PTCHD4: variants seen among roughly 807,000 people sequenced by gnomAD.
PTCHD4 encodes the protein patched domain containing 4.
PTCHD4 carries 33 observed loss-of-function variants against 58.1 expected under a neutral mutation model. That is an observed-to-expected ratio of 0.57 (90% CI 0.43 to 0.76). The LOEUF is 0.76. Among genes scored for constraint, PTCHD4 ranks in the 30% least tolerant of loss-of-function variants. PTCHD4 has a pLI of 0.00. For synonymous variants in PTCHD4, 478 were observed against 409.6 expected (o/e 1.17, Z -2.02); for missense variants, 1,058 against 1,027.1 (o/e 1.03, Z -0.41).
rs774279770 is a variant in PTCHD4 at position 48,068,476 on chromosome 6, C to G, written c.171G>C (p.Ala57=). The G allele has an allele frequency of 1.5e-4, 244 of 1,613,392 alleles. 1 individual carries two copies. Among genetic ancestry groups the G allele is most frequent in the Non-Finnish European group, 2.0e-4 (236 of 1,179,824 alleles). Residue 57 remains alanine, a synonymous_variant, in exon 3 of 5, where the codon GCG becomes GCC. Coordinates refer to ENST00000339488, the MANE Select transcript of PTCHD4 (RefSeq NM_001384253.1). The surrounding 1 kb of genome is among the most constrained non-coding windows in gnomAD (Gnocchi z 4.2). ...AVLTITFGLS[A]LNRFQPEGDL... The stretch of plus-strand genomic sequence containing the variant: ...CGCCCTCGGGCTGGAAGCGGTTGAG[C>G]GCGCTGAGGCCGAAGGTGATTGTCA...
rs187495090 is a variant in PTCHD4, at chr6:47,937,586, G to C, written c.899-57650C>G. On this transcript the variant is annotated intron_variant, in intron 4 of 4. Coordinates refer to ENST00000339488, the MANE Select transcript of PTCHD4 (RefSeq NM_001384253.1). ...CCATTAGGCATCAAATGGCTATTAG[G>C]TCTATGAGCATCAGGACACACTTGA... Among the ~76,000 whole-genome samples, 35 of 152,258 alleles carry C rather than the reference G, an allele frequency of 2.3e-4. 1 individual carries two copies. In the East Asian group the frequency reaches 6.2e-3, roughly 27 times the overall value.
chr6:47,895,840 C>T (rs965069845), intron 4 of PTCHD4, among the ~76,000 whole-genome samples: 1 of 151,974 alleles, frequency 6.6e-6, no homozygotes, highest in Admixed American at 6.6e-5. Flanking sequence ...TGGTATGTTC[C>T]TTCTACTCCA....
chr6:47,995,725 C>T (rs1002708761), intron 4 of PTCHD4, among the ~76,000 whole-genome samples: 2 of 152,122 alleles, frequency 1.3e-5, no homozygotes, highest in African/African-American at 4.8e-5. Context: ...TTGCCTCCAG[C>T]CTTTGAGATT....
chr6:48,087,981 T>C (rs1348215720), intron 1 of PTCHD4, among the ~76,000 whole-genome samples: 3 of 152,216 alleles, frequency 2.0e-5, no homozygotes, highest in Non-Finnish European at 4.4e-5. Flanking sequence ...ATATTAATGT[T>C]ATTTAAAAAT....
intron 4 of PTCHD4, among the ~76,000 whole-genome samples, chr6:47,975,394 A>AT (rs895453731): frequency 1.3e-5 from 2 of 151,880 alleles, no homozygotes; most frequent in African/African-American, 2.4e-5. Context: ...TTTTTTTTAC[A>AT]TTTTTTAAAA....
chr6:48,013,746 A>G (rs1033262571), intron 3 of PTCHD4, among the ~76,000 whole-genome samples: 1 of 152,136 alleles, frequency 6.6e-6, no homozygotes, highest in African/African-American at 2.4e-5. Context: ...TTTGAAAGAG[A>G]AAGTTTTTAA....
chr6:48,105,776 C>T (rs367881646), intron 1 of PTCHD4, among the ~76,000 whole-genome samples: 21 of 152,108 alleles, frequency 1.4e-4, no homozygotes, highest in East Asian at 7.7e-4. Flanking sequence ...ATATCACCAC[C>T]GATCCCACAG....
chr6:47,985,327 A>G (rs1238624235), intron 4 of PTCHD4, among the ~76,000 whole-genome samples: 1 of 152,148 alleles, frequency 6.6e-6, no homozygotes. Flanking sequence ...TGGTACAAGG[A>G]CAAATTTTAG....
chr6:47,964,654 C>T lies in PTCHD4; in HGVS notation c.898+43980G>A, dbSNP rs146071562. On this transcript the variant is annotated intron_variant, in intron 4 of 4. Transcript: ENST00000339488. ...TGTCGCAAAGTATTTCTGAACTATG[C>T]ACCAGTTGTCTAAGTGTTGGTACCT... Among the ~76,000 whole-genome samples the T allele has an allele frequency of 5.8e-3, 881 of 152,238 alleles. 9 individuals carry two copies. Among genetic ancestry groups the T allele is most frequent in the South Asian group, 0.021 (102 of 4,814 alleles).
intron 4 of PTCHD4, among the ~76,000 whole-genome samples, chr6:48,000,798 T>C (rs1021384027): frequency 1.3e-5 from 2 of 152,180 alleles, no homozygotes; most frequent in African/African-American, 2.4e-5. Flanking sequence ...CCTTTCCTAC[T>C]CAGTGGCATT....
At chr6:47,990,460 G>A (rs992863324) in intron 4 of PTCHD4, among the ~76,000 whole-genome samples, 6 of 152,094 alleles carry the variant, frequency 3.9e-5, no homozygotes, top group African/African-American at 9.7e-5. Flanking sequence ...GGAGGGACCC[G>A]GTGGGAGACA....
intron 4 of PTCHD4, among the ~76,000 whole-genome samples, chr6:47,997,998 A>T (rs902658895): frequency 1.4e-4 from 21 of 152,106 alleles, no homozygotes; most frequent in Non-Finnish European, 2.4e-4. Context: ...CAATGGCATA[A>T]CCCTTAATGC....
At chr6:47,956,897 T>A (rs1394019312) in intron 4 of PTCHD4, among the ~76,000 whole-genome samples, 2 of 152,094 alleles carry the variant, frequency 1.3e-5, no homozygotes, top group African/African-American at 2.4e-5. Flanking sequence ...GGCGTGGTGA[T>A]TCATGCCTGT....
chr6:47,906,419 G>T (rs1308945080), intron 4 of PTCHD4, among the ~76,000 whole-genome samples: 1 of 152,022 alleles, frequency 6.6e-6, no homozygotes, highest in Non-Finnish European at 1.5e-5. Flanking sequence ...CTCAGCATGA[G>T]ACATATTGCA....
At chr6:48,051,386 T>G (rs1193970591) in intron 3 of PTCHD4, among the ~76,000 whole-genome samples, 7 of 151,948 alleles carry the variant, frequency 4.6e-5, no homozygotes, top group Non-Finnish European at 8.8e-5. Flanking sequence ...TGTGGATGCT[T>G]CGGGATTTAT....
chr6:47,908,536 T>C (rs532392533), intron 4 of PTCHD4, among the ~76,000 whole-genome samples: 1 of 152,254 alleles, frequency 6.6e-6, no homozygotes, highest in East Asian at 1.9e-4. Flanking sequence ...TATTACCCCA[T>C]TGTGGGGGTC....
intron 4 of PTCHD4, among the ~76,000 whole-genome samples, chr6:47,959,722 A>T (rs1322588164): frequency 2.0e-5 from 3 of 152,082 alleles, no homozygotes; most frequent in African/African-American, 7.2e-5. Context: ...ATTTTTGATC[A>T]GAAAAAACAA....
intron 4 of PTCHD4, among the ~76,000 whole-genome samples, chr6:47,992,601 A>G (rs1054421652): frequency 2.6e-5 from 4 of 152,216 alleles, no homozygotes; most frequent in African/African-American, 9.6e-5. Flanking sequence ...TATTAAATTA[A>G]AAAGCAGAAT....
At chr6:48,105,869 T>G (rs1051235244) in intron 1 of PTCHD4, among the ~76,000 whole-genome samples, 2 of 151,924 alleles carry the variant, frequency 1.3e-5, no homozygotes, top group East Asian at 3.9e-4. Flanking sequence ...ATAAATTCCT[T>G]GACACATACA....
Sources: gnomAD v4.1 joint callset for allele counts (sites outside exome capture counted in the v4.1 genomes callset) on GRCh38, gnomAD v4.1.1 for gene constraint, Gnocchi (gnomAD v3.1) non-coding constraint, MANE v1.5 for transcripts, NCBI Gene and HGNC (gene_info 2026-07-23, HGNC 2026-07-21) for gene names.